TMEM117: variants seen among roughly 807,000 people sequenced by gnomAD.
The protein encoded by TMEM117 is transmembrane protein 117.
Under a neutral mutation model 52.4 loss-of-function variants are expected in TMEM117, and 27 were observed. The observed-to-expected ratio is 0.51, with a 90% CI of 0.38 to 0.71. TMEM117 has a LOEUF of 0.71. Among genes scored for constraint, TMEM117 ranks in the 30% least tolerant of loss-of-function variants. The pLI, the probability that TMEM117 is intolerant of heterozygous loss-of-function variation, is 0.00. For synonymous variants in TMEM117, 215 were observed against 206.3 expected (o/e 1.04, Z -0.36); for missense variants, 556 against 630.5 (o/e 0.88, Z 1.26).
intron 3 of TMEM117, among the ~76,000 whole-genome samples, chr12:43,982,221 A>G (rs1402857960): frequency 1.3e-5 from 2 of 152,224 alleles, no homozygotes; most frequent in East Asian, 3.9e-4. Context: ...GAGACTACAA[A>G]TGTCAGAGAA....
At chr12:43,944,154 A>G in intron 2 of TMEM117, 56 bp from the exon 3 acceptor site, 3 of 1,443,880 alleles carry the variant, frequency 2.1e-6, no homozygotes, top group East Asian at 4.7e-5. Context: ...TAAAGCAAAG[A>G]TCCATGAATT....
Position 44,203,095 on chromosome 12 carries a change from T to TTTGTTGTTGTTGTTGTTG in TMEM117, c.511-8186_511-8169dup, listed in dbSNP as rs58933565. Among the ~76,000 whole-genome samples, 698 of 151,494 alleles carry TTTGTTGTTGTTGTTGTTG rather than the reference T, an allele frequency of 4.6e-3. 7 individuals are homozygous for TTTGTTGTTGTTGTTGTTG. Among genetic ancestry groups the TTTGTTGTTGTTGTTGTTG allele is most frequent in the South Asian group, 0.015 (70 of 4,796 alleles). Reference sequence around the variant, plus strand: ...CAGGGGTGAGCCACCACACATGGCCTTTGTTGTTGTTGTTGTTGTTGTTGT... The same window carrying TTTGTTGTTGTTGTTGTTG: ...CAGGGGTGAGCCACCACACATGGCCTTTGTTGTTGTTGTTGTTGTTGTTGTTGTTGTTGTTGTTGTTGT... On this transcript the variant is annotated intron_variant, in intron 4 of 7. Transcript: ENST00000266534.
downstream of TMEM117, among the ~76,000 whole-genome samples, chr12:44,392,602 C>T (rs1456254522): frequency 4.0e-5 from 6 of 151,784 alleles, no homozygotes; most frequent in Admixed American, 2.6e-4. Context: ...ATACATGTGC[C>T]ATGTTGGTGT....
intron 4 of TMEM117, among the ~76,000 whole-genome samples, chr12:44,196,674 T>C (rs1420136533): frequency 6.6e-6 from 1 of 152,230 alleles, no homozygotes; most frequent in Non-Finnish European, 1.5e-5. Flanking sequence ...GATTTCTTTT[T>C]ACAAAGGTAC....
chr12:43,797,231 A>G, the TMEM117 span: 1 of 1,496,352 alleles, frequency 6.7e-7, no homozygotes, highest in East Asian at 2.3e-5. Flanking sequence ...GCAAGAAATA[A>G]GTAAGAATAT....
At chr12:44,173,457 T>G (rs1442187066) in intron 4 of TMEM117, among the ~76,000 whole-genome samples, 1 of 151,924 alleles carries the variant, frequency 6.6e-6, no homozygotes, top group East Asian at 1.9e-4. Context: ...CAATGGATTT[T>G]TACAGTTGGG....
intron 4 of TMEM117, among the ~76,000 whole-genome samples, chr12:44,196,933 C>A (rs189423546): frequency 2.4e-3 from 365 of 152,296 alleles, no homozygotes; most frequent in South Asian, 3.9e-3. Flanking sequence ...CATTTCCTAA[C>A]GTTAGAAACA....
intron 2 of TMEM117, among the ~76,000 whole-genome samples, chr12:43,882,093 A>AAAC (rs141701758): frequency 3.3e-4 from 50 of 152,154 alleles, no homozygotes; most frequent in African/African-American, 1.1e-3. Flanking sequence ...ACAAACTAAA[A>AAAC]AACAACAACA....
chr12:44,241,125 A>G (rs1390459283), intron 5 of TMEM117, among the ~76,000 whole-genome samples: 1 of 151,998 alleles, frequency 6.6e-6, no homozygotes, highest in African/African-American at 2.4e-5. Context: ...AATCATCTCT[A>G]GATTATGTAT....
the TMEM117 span, among the ~76,000 whole-genome samples, chr12:43,810,642 C>T: frequency 6.6e-6 from 1 of 152,160 alleles, no homozygotes; most frequent in Non-Finnish European, 1.5e-5. Context: ...GAAAGGCATT[C>T]ATAGCAAACT....
At chr12:44,158,850 A>G (rs1179421222) in intron 4 of TMEM117, among the ~76,000 whole-genome samples, 1 of 152,204 alleles carries the variant, frequency 6.6e-6, no homozygotes, top group Non-Finnish European at 1.5e-5. Context: ...ATTATTGACC[A>G]TGTTGTCAGT....
intron 4 of TMEM117, among the ~76,000 whole-genome samples, chr12:44,153,038 G>T (rs769355803): frequency 6.6e-6 from 1 of 151,342 alleles, no homozygotes; most frequent in Non-Finnish European, 1.5e-5. Context: ...GGAGTCATTC[G>T]ACTAATTCCA....
intron 5 of TMEM117, among the ~76,000 whole-genome samples, chr12:44,261,857 G>A (rs765148292): frequency 6.6e-6 from 1 of 152,170 alleles, no homozygotes; most frequent in Non-Finnish European, 1.5e-5. Context: ...TCTGAATGAA[G>A]TTCTGAACTA....
intron 3 of TMEM117, among the ~76,000 whole-genome samples, chr12:44,000,354 G>T (rs1386464195): frequency 6.6e-6 from 1 of 152,154 alleles, no homozygotes; most frequent in Non-Finnish European, 1.5e-5. Flanking sequence ...ACTATTCCCG[G>T]GGCAGTCTTT....
the TMEM117 span, among the ~76,000 whole-genome samples, chr12:43,803,413 G>A: frequency 1.3e-5 from 2 of 152,092 alleles, no homozygotes; most frequent in African/African-American, 2.4e-5. Context: ...TTTCTAAAAT[G>A]CTTGAAGTAA....
intron 3 of TMEM117, among the ~76,000 whole-genome samples, chr12:44,079,616 A>G (rs1947446183): frequency 2.0e-5 from 3 of 152,222 alleles, no homozygotes; most frequent in African/African-American, 7.2e-5. Context: ...ATATCTCAAG[A>G]TATTTTAGAT....
At chr12:44,117,790 G>T (rs1227649817) in intron 3 of TMEM117, among the ~76,000 whole-genome samples, 1 of 151,962 alleles carries the variant, frequency 6.6e-6, no homozygotes, top group Non-Finnish European at 1.5e-5. Context: ...CATGATATAT[G>T]TCGGAATGAT....
intron 5 of TMEM117, among the ~76,000 whole-genome samples, chr12:44,216,540 C>T (rs372314510): frequency 2.6e-5 from 4 of 152,060 alleles, no homozygotes; most frequent in South Asian, 2.1e-4. Context: ...GCTGCCATAA[C>T]GGAAAGCTGA....
intron 3 of TMEM117, among the ~76,000 whole-genome samples, chr12:44,118,052 G>A (rs550208455): frequency 6.6e-6 from 1 of 151,004 alleles, no homozygotes; most frequent in East Asian, 1.9e-4. Flanking sequence ...AAAAAAACAC[G>A]TACAGAGAAT....
Sources: allele counts gnomAD v4.1 joint callset (sites outside exome capture counted in the v4.1 genomes callset), GRCh38; gene constraint gnomAD v4.1.1; transcripts MANE v1.5; gene names NCBI Gene and HGNC (gene_info 2026-07-23, HGNC 2026-07-21).